NELL1: variants seen among roughly 807,000 people sequenced by gnomAD.
NELL1 encodes the protein protein kinase C-binding protein NELL1.
In NELL1, 76 loss-of-function variants were observed where a neutral mutation model predicts 107.4. The observed-to-expected ratio is 0.71, with a 90% CI of 0.59 to 0.86. The LOEUF is 0.86. NELL1 is among the 40% of genes least tolerant of loss of function. NELL1 has a pLI of 0.00. For missense variants in NELL1, 1,024 were observed against 1,005.5 expected (o/e 1.02, Z -0.25); for synonymous variants, 353 against 341.2 (o/e 1.03, Z -0.38).
chr11:21,452,512 T>C (rs570869925), intron 15 of NELL1, among the ~76,000 whole-genome samples: 2 of 152,254 alleles, frequency 1.3e-5, no homozygotes, highest in East Asian at 3.9e-4. Context: ...ATTCATTTTA[T>C]GTGTCTGAAA....
At chr11:20,915,813 T>TAC (rs1850242890) in intron 5 of NELL1, among the ~76,000 whole-genome samples, 1 of 149,196 alleles carries the variant, frequency 6.7e-6, no homozygotes, top group African/African-American at 2.5e-5. Flanking sequence ...TGAAGGAAAC[T>TAC]ACATGCTTAG....
intron 15 of NELL1, among the ~76,000 whole-genome samples, chr11:21,463,805 T>G (rs946745349): frequency 2.0e-5 from 3 of 152,106 alleles, no homozygotes; most frequent in Admixed American, 2.0e-4. Context: ...GTGGCTTGTC[T>G]CTTTTCCATG....
At chr11:21,450,821 T>G (rs1046719940) in intron 15 of NELL1, among the ~76,000 whole-genome samples, 13 of 149,886 alleles carry the variant, frequency 8.7e-5, no homozygotes, top group African/African-American at 2.5e-4. Flanking sequence ...TTTTTTTCTG[T>G]TTTTTTAATG....
chr11:21,083,333 A>G (rs1854312632), intron 12 of NELL1, among the ~76,000 whole-genome samples: 1 of 152,204 alleles, frequency 6.6e-6, no homozygotes, highest in African/African-American at 2.4e-5. Context: ...TGTTTTGCCC[A>G]GTCAAGGACC....
At chr11:21,066,564 A>G (rs568358212) in intron 12 of NELL1, among the ~76,000 whole-genome samples, 3 of 152,356 alleles carry the variant, frequency 2.0e-5, no homozygotes, top group African/African-American at 7.2e-5. Context: ...AATCTGTGAA[A>G]TAAAGGTTGC....
At chr11:21,422,092 CATATGTGTGTGT>C (rs1458821237) in intron 15 of NELL1, among the ~76,000 whole-genome samples, 132 of 50,078 alleles carry the variant, frequency 2.6e-3, no homozygotes, top group African/African-American at 4.1e-3. Flanking sequence ...GACATTTACA[CATATGTGTGTGT>C]GTGTGTGTGT....
intron 3 of NELL1, among the ~76,000 whole-genome samples, chr11:20,815,904 A>AT (rs1857613530): frequency 6.6e-6 from 1 of 152,106 alleles, no homozygotes; most frequent in Admixed American, 6.5e-5. Context: ...CATTTATTGA[A>AT]TGGGGAGCCC....
chr11:21,453,973 A>G (rs1853655570), intron 15 of NELL1, among the ~76,000 whole-genome samples: 1 of 149,908 alleles, frequency 6.7e-6, no homozygotes, highest in Admixed American at 6.7e-5. Context: ...ACATGTGCAC[A>G]TTGTGCAGGT....
chr11:20,737,095 G>A (rs1008391604), intron 2 of NELL1, among the ~76,000 whole-genome samples: 4 of 151,870 alleles, frequency 2.6e-5, no homozygotes, highest in Admixed American at 2.6e-4. Flanking sequence ...GTCCTGTGTA[G>A]CCTTCTTCCC....
chr11:21,330,409 C>G (rs1241222946), intron 14 of NELL1, among the ~76,000 whole-genome samples: 2 of 152,074 alleles, frequency 1.3e-5, no homozygotes, highest in Non-Finnish European at 2.9e-5. Flanking sequence ...ATTGCAAGTG[C>G]CTTTACTAGC....
intron 2 of NELL1, among the ~76,000 whole-genome samples, chr11:20,679,291 ATGAAC>A (rs913706409): frequency 2.0e-5 from 3 of 152,210 alleles, no homozygotes; most frequent in Admixed American, 2.0e-4. Context: ...AAACAGGGAA[ATGAAC>A]TGACCAGATA....
chr11:21,292,514 T>C (rs559957454), intron 14 of NELL1, among the ~76,000 whole-genome samples: 68 of 152,280 alleles, frequency 4.5e-4, no homozygotes, highest in African/African-American at 1.6e-3. Flanking sequence ...TAAAGTAATT[T>C]ATAGATTCAA....
intron 16 of NELL1, 49 bp downstream of exon 16, chr11:21,534,563 G>A (rs1856085122): frequency 6.2e-7 from 1 of 1,601,190 alleles, no homozygotes; most frequent in Non-Finnish European, 8.6e-7. Context: ...CTTTGCAGGA[G>A]GTGTGGCTTG....
In NELL1 at chr11:21,160,998, T is replaced by TAC. The variant is rs1554974854; in HGVS notation, c.1426+47285_1426+47286insCA. ...ATGGTTTTAACCTCTTGCTAGCCTT[T>TAC]ATACACACACACACACACACACACA... On this transcript the variant is annotated intron_variant, in intron 13 of 19. Coordinates refer to ENST00000357134, the MANE Select transcript of NELL1 (RefSeq NM_006157.5). 8.2e-5 allele frequency among the ~76,000 whole-genome samples: 8 copies of TAC among 97,010 alleles called. No individual in the cohort carries two copies. In the East Asian group the frequency reaches 1.3e-3, roughly 16 times the overall value. The allele number at this position is 97,010 out of a possible 152,430, so 63.6% of individuals were successfully genotyped here.
chr11:21,164,719 G>A (rs1417405203), intron 13 of NELL1, among the ~76,000 whole-genome samples: 3 of 152,154 alleles, frequency 2.0e-5, no homozygotes, highest in African/African-American at 7.2e-5. Flanking sequence ...GTCTTCTCCT[G>A]TGTTACATTC....
intron 16 of NELL1, among the ~76,000 whole-genome samples, chr11:21,558,468 A>G (rs2133998833): frequency 6.6e-6 from 1 of 152,072 alleles, no homozygotes; most frequent in East Asian, 1.9e-4. Flanking sequence ...TTTCAAGCAT[A>G]CAATACCTTG....
At chr11:20,882,323 C>T (rs754229877) in intron 4 of NELL1, among the ~76,000 whole-genome samples, 2 of 152,196 alleles carry the variant, frequency 1.3e-5, no homozygotes, top group South Asian at 2.1e-4. Flanking sequence ...AAATTCTGTG[C>T]GTATCCTTAG....
chr11:20,803,265 T>G (rs1857315582), intron 3 of NELL1, among the ~76,000 whole-genome samples: 2 of 152,180 alleles, frequency 1.3e-5, no homozygotes, highest in Admixed American at 6.5e-5. Context: ...CTGTTCATAT[T>G]TTGGGTTTCT....
chr11:21,569,154 C>G (rs763656376), intron 17 of NELL1, among the ~76,000 whole-genome samples: 1 of 151,636 alleles, frequency 6.6e-6, no homozygotes, highest in Non-Finnish European at 1.5e-5. Flanking sequence ...TATAAGACCA[C>G]CTTTTGTATG....
Sources: gnomAD v4.1 joint callset for allele counts (sites outside exome capture counted in the v4.1 genomes callset) on GRCh38, gnomAD v4.1.1 for gene constraint, MANE v1.5 for transcripts, NCBI Gene and HGNC (gene_info 2026-07-23, HGNC 2026-07-21) for gene names.